The following CALN1 variants were observed in gnomAD, a reference collection of about 807,000 sequenced individuals.
The protein encoded by CALN1 is calcium-binding protein 8.
CALN1 carries 17 observed loss-of-function variants against 30.6 expected under a neutral mutation model. The ratio of observed to expected loss-of-function variants is 0.56; its 90% CI spans 0.38 to 0.83. The LOEUF (loss-of-function observed/expected upper bound fraction) is 0.83, where lower values mean the gene tolerates loss of function less well. Among genes scored for constraint, CALN1 ranks in the 40% least tolerant of loss-of-function variants. The pLI is 0.00. For synonymous variants in CALN1, 156 were observed against 131.4 expected, an observed-to-expected ratio of 1.19 and a Z score of -1.28; for missense variants, 291 against 354.9, an observed-to-expected ratio of 0.82 and a Z score of 1.45.
intron 5 of CALN1, among the ~76,000 whole-genome samples, chr7:71,949,131 A>C (rs10215280): frequency 0.7 from 105,823 of 150,504 alleles, 37,844 homozygotes; most frequent in Non-Finnish European, 0.74. Context: ...GACTGAAAGA[A>C]TGGCCATAAA....
Position 71,809,475 on chromosome 7 carries a change from A to AAAAAAG in CALN1, c.658+860_658+861insCTTTTT, listed in dbSNP as rs1482274268. Reference sequence around the variant, plus strand: ...CTTATTTAAATGTTCAAAAAAAAAAAAAAGAAAAGAAAAGAAAAAAAATTT... The same window carrying AAAAAAG: ...CTTATTTAAATGTTCAAAAAAAAAAAAAAAAGAAAGAAAAGAAAAGAAAAAAAATTT... On this transcript the variant is annotated intron_variant, in intron 6 of 6. Transcript: ENST00000395275. 4.2e-3 allele frequency among the ~76,000 whole-genome samples: 631 copies of AAAAAAG among 151,092 alleles called. 10 individuals are homozygous for AAAAAAG. Among genetic ancestry groups the AAAAAAG allele is most frequent in the African/African-American group, 0.014 (584 of 41,276 alleles).
At chr7:72,192,671 T>C (rs929151290) in intron 3 of CALN1, among the ~76,000 whole-genome samples, 6 of 120,134 alleles carry the variant, frequency 5.0e-5, no homozygotes, top group African/African-American at 2.1e-4. Flanking sequence ...ATTATTATTA[T>C]TATACTTTAA....
intron 5 of CALN1, among the ~76,000 whole-genome samples, chr7:72,022,297 C>T (rs1160452544): frequency 6.6e-6 from 1 of 152,306 alleles, no homozygotes; most frequent in South Asian, 2.1e-4. Context: ...ACTCTGAAGC[C>T]CTGTGCTTCA....
At chr7:72,291,296 T>C (rs1464079577) in intron 2 of CALN1, among the ~76,000 whole-genome samples, 1 of 152,218 alleles carries the variant, frequency 6.6e-6, no homozygotes, top group Non-Finnish European at 1.5e-5. Context: ...CTGAAGGCAC[T>C]AATCCTCTTT....
chr7:72,268,075 T>C (rs1275560988), intron 3 of CALN1, among the ~76,000 whole-genome samples: 2 of 152,172 alleles, frequency 1.3e-5, no homozygotes, highest in East Asian at 3.9e-4. Context: ...AAAGGTTAAA[T>C]GAGTTAATCC....
At chr7:72,370,541 C>T (rs747103505) in intron 2 of CALN1, among the ~76,000 whole-genome samples, 65 of 151,698 alleles carry the variant, frequency 4.3e-4, no homozygotes, top group Non-Finnish European at 9.4e-4. Context: ...GTAGTCCCAG[C>T]TACTTGGGAG....
chr7:72,307,957 G>A (rs540219444), intron 2 of CALN1, among the ~76,000 whole-genome samples: 4 of 151,762 alleles, frequency 2.6e-5, no homozygotes, highest in Admixed American at 6.6e-5. Flanking sequence ...AGGACATTTC[G>A]TGAGTCCTCT....
chr7:71,861,359 C>A (rs1386593060), intron 5 of CALN1, among the ~76,000 whole-genome samples: 6 of 152,168 alleles, frequency 3.9e-5, no homozygotes, highest in South Asian at 2.1e-4. Context: ...CTTCACTTAA[C>A]TTTCTTGTCC....
At chr7:71,930,950 A>T (rs1440421002) in intron 5 of CALN1, among the ~76,000 whole-genome samples, 1 of 152,202 alleles carries the variant, frequency 6.6e-6, no homozygotes, top group Non-Finnish European at 1.5e-5. Flanking sequence ...AACACCGTAC[A>T]TGTTTCTAGA....
At chr7:72,018,047 CA>C (rs1800497706) in intron 5 of CALN1, among the ~76,000 whole-genome samples, 1 of 152,028 alleles carries the variant, frequency 6.6e-6, no homozygotes, top group Non-Finnish European at 1.5e-5. Context: ...TTGCTGTCTG[CA>C]AACTCATGGC....
intron 6 of CALN1, among the ~76,000 whole-genome samples, chr7:71,790,750 G>A (rs961382740): frequency 6.6e-6 from 1 of 152,222 alleles, no homozygotes; most frequent in Admixed American, 6.5e-5. Flanking sequence ...TGGGGTGGAG[G>A]TTGGGAATTT....
At position 71,826,364 on chromosome 7, in the gene CALN1, T is replaced by C. The variant is rs905777922; in HGVS notation, c.502-15872A>G. Among the ~76,000 whole-genome samples the C allele has an allele frequency of 2.0e-5, 3 of 152,242 alleles. No homozygotes were observed. The East Asian group carries it at 5.8e-4, about 29-fold the overall frequency. Reference sequence around the variant, plus strand: ...GACTCCCACAGTCTAGAAGAAATTTTCCACTAACAGCAAGATCTATGGAGC... The same window carrying C: ...GACTCCCACAGTCTAGAAGAAATTTCCCACTAACAGCAAGATCTATGGAGC... On this transcript the variant is annotated intron_variant, in intron 5 of 6. Transcript: ENST00000395275.
chr7:72,167,018 A>G (rs1788573270), intron 3 of CALN1, among the ~76,000 whole-genome samples: 2 of 152,200 alleles, frequency 1.3e-5, no homozygotes, highest in South Asian at 4.1e-4. Context: ...TGGGCGACAG[A>G]GCAAGACCCT....
intron 3 of CALN1, among the ~76,000 whole-genome samples, chr7:72,173,053 T>C (rs1280553678): frequency 6.6e-6 from 1 of 152,242 alleles, no homozygotes; most frequent in East Asian, 1.9e-4. Context: ...AATGTTTGTA[T>C]AGAAATGTAC....
intron 5 of CALN1, among the ~76,000 whole-genome samples, chr7:71,935,521 G>A (rs1279397240): frequency 6.6e-6 from 1 of 152,098 alleles, no homozygotes; most frequent in East Asian, 1.9e-4. Flanking sequence ...TCAGGAGTTC[G>A]AGACCAGGCT....
chr7:72,261,153 C>G (rs769241824), intron 3 of CALN1, among the ~76,000 whole-genome samples: 4 of 152,064 alleles, frequency 2.6e-5, no homozygotes, highest in Non-Finnish European at 5.9e-5. Flanking sequence ...CAAAAAATTA[C>G]AAAAATTCGC....
chr7:72,188,022 T>C (rs1456144334), intron 3 of CALN1, among the ~76,000 whole-genome samples: 1 of 152,086 alleles, frequency 6.6e-6, no homozygotes, highest in Non-Finnish European at 1.5e-5. Context: ...ACACTGCTGG[T>C]GGGAATGTAA....
intron 4 of CALN1, among the ~76,000 whole-genome samples, chr7:72,103,898 C>G (rs1266999516): frequency 6.6e-6 from 1 of 152,044 alleles, no homozygotes; most frequent in Non-Finnish European, 1.5e-5. Flanking sequence ...GTTATCGTGT[C>G]CTTGGGATAG....
At chr7:72,323,737 C>T (rs893539036) in intron 2 of CALN1, among the ~76,000 whole-genome samples, 6 of 151,764 alleles carry the variant, frequency 4.0e-5, no homozygotes, top group Non-Finnish European at 8.8e-5. Flanking sequence ...CTTCCCCAAA[C>T]TCAACGATCA....
Sources: allele counts gnomAD v4.1 joint callset (sites outside exome capture counted in the v4.1 genomes callset), GRCh38; gene constraint gnomAD v4.1.1; transcripts MANE v1.5; gene names NCBI Gene and HGNC (gene_info 2026-07-23, HGNC 2026-07-21).